CD163L1: variants seen among roughly 807,000 people sequenced by gnomAD.
CD163L1 encodes CD163 molecule like 1.
In CD163L1, 124 loss-of-function variants were observed where a neutral mutation model predicts 165.4. That is an observed-to-expected ratio of 0.75 (90% CI 0.65 to 0.87). The LOEUF (loss-of-function observed/expected upper bound fraction) is 0.87. CD163L1 is among the 40% of genes least tolerant of loss of function. The pLI, the probability that CD163L1 is intolerant of heterozygous loss-of-function variation, is 0.00. For synonymous variants in CD163L1, 585 were observed against 662.2 expected (o/e 0.88, Z 1.79); for missense variants, 1,525 against 1,799.9 (o/e 0.85, Z 2.76).
Position 7,375,703 on chromosome 12 carries a change from A to C in CD163L1, c.2683T>G (p.Ser895Ala). 6.2e-7 allele frequency: 1 copy of C among 1,614,002 alleles called. No individual in the cohort carries two copies. Among genetic ancestry groups the C allele is most frequent in the Non-Finnish European group, 8.5e-7 (1 of 1,179,896 alleles). Residue 895 changes from serine to alanine, a missense_variant, in exon 10 of 20, where the codon TCC becomes GCC. Coordinates refer to ENST00000313599, the MANE Select transcript of CD163L1 (RefSeq NM_174941.6). ...TAAGATTATTTAAAAATCTCACGGG[A>C]ACAGACAACTCCAACTTCTCTGCTG... ...IHSREVGVVC[S>A]RYTDVRLVNG...
intron 8 of CD163L1, among the ~76,000 whole-genome samples, chr12:7,384,206 A>G (rs1379971496): frequency 6.6e-6 from 1 of 152,126 alleles, no homozygotes. Context: ...AAAGAACTGC[A>G]GAACTTGAAG....
At chr12:7,403,150 T>G (rs998270016) in intron 6 of CD163L1, among the ~76,000 whole-genome samples, 2 of 152,086 alleles carry the variant, frequency 1.3e-5, no homozygotes, top group African/African-American at 4.8e-5. Context: ...TAATTCTCTA[T>G]AATAAGCCTT....
intron 4 of CD163L1, among the ~76,000 whole-genome samples, chr12:7,420,909 C>A (rs1173078045): frequency 6.7e-6 from 1 of 149,154 alleles, no homozygotes; most frequent in East Asian, 2.0e-4. Context: ...ATGTTTATAG[C>A]AGCACAATTT....
chr12:7,375,571 T>C lies in CD163L1; in HGVS notation c.2711A>G (p.Asn904Ser), dbSNP rs901915143. 4 of 1,613,014 alleles carry C rather than the reference T, an allele frequency of 2.5e-6. No individual in the cohort carries two copies. In the African/African-American group the frequency reaches 5.3e-5, roughly 22 times the overall value. The change falls in exon 11 of 20, where the codon AAT becomes AGT. Residue 904 changes from asparagine (N) to serine (S), a missense_variant. Asn to Ser is a conservative substitution (Grantham distance 46). Coordinates refer to ENST00000313599, the MANE Select transcript of CD163L1 (RefSeq NM_174941.6). ...TTGCCCGTCACACTGGGATTTGCCA[T>C]TCACAAGTCGGACATCTGTATATCC... Reference protein sequence around the residue: ...CSRYTDVRLVNGKSQCDGQVE... With the variant: ...CSRYTDVRLVSGKSQCDGQVE...
chr12:7,438,995 G>T (rs1290686416), intron 2 of CD163L1: 3 of 1,604,446 alleles, frequency 1.9e-6, no homozygotes, highest in African/African-American at 2.7e-5. Flanking sequence ...CTTTCTCGGG[G>T]TCTTCTTTTT....
chr12:7,368,596 G>A lies in CD163L1; in HGVS notation c.4072+337C>T, dbSNP rs1565775259. On this transcript the variant is annotated intron_variant, in intron 16 of 19. Transcript: ENST00000313599. The surrounding 1 kb of genome is among the most constrained non-coding windows in gnomAD (Gnocchi z 4.3). ...AGGCTGAGTGTACTGGCACGATCTCGGCTCACTGCAATCTCTGCTTCCTGG... is the reference window on the plus strand; with the variant it reads ...AGGCTGAGTGTACTGGCACGATCTCAGCTCACTGCAATCTCTGCTTCCTGG... Among the ~76,000 whole-genome samples the A allele has an allele frequency of 1.3e-5, 2 of 148,798 alleles. No homozygotes were observed. The highest frequency in any genetic ancestry group is 4.2e-4 in the South Asian group (2 of 4,720).
At chr12:7,366,025 G>A (rs1044682232) in intron 18 of CD163L1, among the ~76,000 whole-genome samples, 9 of 152,076 alleles carry the variant, frequency 5.9e-5, no homozygotes, top group South Asian at 2.1e-4. Flanking sequence ...CTTGATGAAT[G>A]AATGGGTAAG....
rs1403074876 is a variant in CD163L1 at position 7,401,894 on chromosome 12, T to C, written c.1408+1641A>G. On this transcript the variant is annotated intron_variant, in intron 6 of 19. Coordinates refer to ENST00000313599, the MANE Select transcript of CD163L1 (RefSeq NM_174941.6). Reference sequence around the variant, plus strand: ...TTTCCAAAAAGCAAAAAGTAATTTTTATAATGTTTTATATCAATCTATAAA... The same window carrying C: ...TTTCCAAAAAGCAAAAAGTAATTTTCATAATGTTTTATATCAATCTATAAA... 4.6e-5 allele frequency among the ~76,000 whole-genome samples: 7 copies of C among 152,096 alleles called. No individual in the cohort carries two copies. The East Asian group carries it at 1.2e-3, about 25-fold the overall frequency.
rs116362257 is a variant in CD163L1 at position 7,433,990 on chromosome 12, G to C, written c.125-296C>G. Among the ~76,000 whole-genome samples, 1,230 of 152,222 alleles carry C rather than the reference G, an allele frequency of 8.1e-3. 14 individuals are homozygous for C. Among genetic ancestry groups the C allele is most frequent in the African/African-American group, 0.028 (1,156 of 41,518 alleles). ...CCAATATAAACCACAGAAAAGGTAA[G>C]GTTTGCTGTTGTGCACGCAGAATGA... On this transcript the variant is annotated intron_variant, in intron 2 of 19. Transcript: ENST00000313599.
intron 4 of CD163L1, among the ~76,000 whole-genome samples, chr12:7,411,100 C>T (rs903372339): frequency 6.6e-6 from 1 of 151,826 alleles, no homozygotes; most frequent in African/African-American, 2.4e-5. Context: ...AACAATTCTC[C>T]CTTTTCAAGA....
At chr12:7,333,454 C>T in the CD163L1 span, among the ~76,000 whole-genome samples, 340 of 152,244 alleles carry the variant, frequency 2.2e-3, 2 homozygotes, top group African/African-American at 8.0e-3. Flanking sequence ...AGAACAAAGA[C>T]ACAACATACC....
chr12:7,438,974 G>C lies in CD163L1; in HGVS notation c.124+2180C>G. 2.5e-6 allele frequency: 4 copies of C among 1,606,956 alleles called. No individual in the cohort carries two copies. In the South Asian group the frequency reaches 3.3e-5, roughly 13 times the overall value. On this transcript the variant is annotated intron_variant, in intron 2 of 19. Coordinates refer to ENST00000313599, the MANE Select transcript of CD163L1 (RefSeq NM_174941.6). ...GTTCTCTAGCTTCCTGCTCTCTCTAGTGTCCTCAACCTTTCTCGGGGTCTT... is the reference window on the plus strand; with the variant it reads ...GTTCTCTAGCTTCCTGCTCTCTCTACTGTCCTCAACCTTTCTCGGGGTCTT...
intron 4 of CD163L1, among the ~76,000 whole-genome samples, chr12:7,349,401 T>C (rs1591860677): frequency 6.6e-6 from 1 of 152,260 alleles, no homozygotes; most frequent in East Asian, 1.9e-4. Context: ...TGCTGGGAGA[T>C]TTGGATGACT....
At chr12:7,395,871 T>C (rs1947762739) in intron 8 of CD163L1, among the ~76,000 whole-genome samples, 1 of 152,242 alleles carries the variant, frequency 6.6e-6, no homozygotes, top group Non-Finnish European at 1.5e-5. Context: ...AAACTAACTT[T>C]GGGAAAATTT....
Position 7,421,045 on chromosome 12 carries a change from A to ATACG in CD163L1, c.766+11370_766+11371insCGTA, listed in dbSNP as rs1555202053. On this transcript the variant is annotated intron_variant, in intron 4 of 19. Coordinates refer to ENST00000313599, the MANE Select transcript of CD163L1 (RefSeq NM_174941.6). Reference sequence around the variant, plus strand: ...TATACATATATATATACGTGTATATATATGTATATACGTATATATGTATAT... The same window carrying ATACG: ...TATACATATATATATACGTGTATATATACGTATGTATATACGTATATATGTATAT... 6.4e-3 allele frequency among the ~76,000 whole-genome samples: 593 copies of ATACG among 92,080 alleles called. 13 individuals carry two copies. The highest frequency in any genetic ancestry group is 0.031 in the African/African-American group (520 of 16,776). The allele number at this position is 92,080 out of a possible 152,430, so 60.4% of individuals were successfully genotyped here.
the CD163L1 span, chr12:7,328,445 C>G: frequency 8.6e-7 from 1 of 1,158,962 alleles, no homozygotes; most frequent in Middle Eastern, 2.1e-4. Flanking sequence ...GATAATTCAG[C>G]GACTACTCTC....
At chr12:7,410,858 AATATAT>A (rs747000107) in intron 4 of CD163L1, among the ~76,000 whole-genome samples, 2 of 147,958 alleles carry the variant, frequency 1.4e-5, no homozygotes, top group Non-Finnish European at 3.0e-5. Flanking sequence ...TATAAATATA[AATATAT>A]ATATATAATA....
chr12:7,418,133 C>T (rs1184188657), intron 4 of CD163L1, among the ~76,000 whole-genome samples: 1 of 151,826 alleles, frequency 6.6e-6, no homozygotes, highest in African/African-American at 2.4e-5. Context: ...ATATGTTATG[C>T]CACAAAACGA....
intron 4 of CD163L1, among the ~76,000 whole-genome samples, chr12:7,430,602 GC>G (rs1948612008): frequency 6.6e-6 from 1 of 152,246 alleles, no homozygotes; most frequent in Admixed American, 6.5e-5. Context: ...TCTGGTATTA[GC>G]ATATTTGAGA....
Sources: allele counts gnomAD v4.1 joint callset (sites outside exome capture counted in the v4.1 genomes callset), GRCh38; gene constraint gnomAD v4.1.1; non-coding constraint Gnocchi (gnomAD v3.1); transcripts MANE v1.5; gene names NCBI Gene and HGNC (gene_info 2026-07-23, HGNC 2026-07-21).